The following ATP9B variants were observed in gnomAD, a reference collection of about 807,000 sequenced individuals.
ATP9B encodes ATPase phospholipid transporting 9B.
ATP9B carries 110 observed loss-of-function variants against 146.1 expected under a neutral mutation model. The observed-to-expected ratio is 0.75, with a 90% CI of 0.65 to 0.88. The LOEUF (loss-of-function observed/expected upper bound fraction) is 0.88, where lower values mean the gene tolerates loss of function less well. Among genes scored for constraint, ATP9B ranks in the 40% least tolerant of loss-of-function variants. The probability of loss-of-function intolerance (pLI) is 0.00; values close to 1 mark genes in which losing one functional copy is unlikely to be tolerated. For synonymous variants in ATP9B, 604 were observed against 569.7 expected, an observed-to-expected ratio of 1.06 and a Z score of -0.86; for missense variants, 1,499 against 1,496.4, an observed-to-expected ratio of 1.00 and a Z score of -0.03.
intron 7 of ATP9B, among the ~76,000 whole-genome samples, chr18:79,163,902 A>ACACG (rs1196921666): frequency 6.6e-6 from 1 of 151,446 alleles, no homozygotes; most frequent in Non-Finnish European, 1.5e-5. Flanking sequence ...ACACACACAC[A>ACACG]CACAGGGGGA....
chr18:79,157,687 C>CT (rs2094815915), intron 7 of ATP9B, among the ~76,000 whole-genome samples: 1 of 152,156 alleles, frequency 6.6e-6, no homozygotes, highest in Admixed American at 6.5e-5. Context: ...TTCAGATTAT[C>CT]TATTTCTTTC....
intron 26 of ATP9B, chr18:79,363,865 A>G (rs1218256168): frequency 1.3e-5 from 2 of 151,880 alleles, no homozygotes; most frequent in Non-Finnish European, 2.9e-5. Flanking sequence ...TTGAGCCTCA[A>G]TTAGATGTTC....
chr18:79,198,029 T>C (rs1223222778), intron 9 of ATP9B, among the ~76,000 whole-genome samples: 1 of 152,212 alleles, frequency 6.6e-6, no homozygotes, highest in Non-Finnish European at 1.5e-5. Flanking sequence ...TACACATTTT[T>C]CAAAATCTCA....
intron 23 of ATP9B, 119 bp from the exon 24 acceptor site, chr18:79,347,651 A>G (rs1004284173): frequency 2.9e-5 from 36 of 1,225,364 alleles, no homozygotes; most frequent in Admixed American, 1.9e-4. Context: ...AAGCTTTACA[A>G]GTTCTGCAGA....
chr18:79,214,236 T>C (rs1455432944), intron 11 of ATP9B, among the ~76,000 whole-genome samples, 198 bp downstream of exon 11: 1 of 152,216 alleles, frequency 6.6e-6, no homozygotes, highest in African/African-American at 2.4e-5. Flanking sequence ...TCCAAAAGTA[T>C]CATTGCTTGG....
intron 13 of ATP9B, among the ~76,000 whole-genome samples, chr18:79,282,357 A>C (rs2096386936): frequency 6.6e-6 from 1 of 152,158 alleles, no homozygotes; most frequent in African/African-American, 2.4e-5. Flanking sequence ...GCTACGGAGA[A>C]ATATTTTGTG....
rs528818218 is a variant in ATP9B at position 79,289,613 on chromosome 18, G to C, written c.1411+12417G>C. Among the ~76,000 whole-genome samples, 5 of 152,136 alleles carry C rather than the reference G, an allele frequency of 3.3e-5. No individual in the cohort carries two copies. In the East Asian group the frequency reaches 9.6e-4, roughly 29 times the overall value. Reference sequence around the variant, plus strand: ...ATCGTCTGAAGCCTTCTCTCAACTCGTCAAAGTCATTCTCCGTCCAGCTTT... The same window carrying C: ...ATCGTCTGAAGCCTTCTCTCAACTCCTCAAAGTCATTCTCCGTCCAGCTTT... On this transcript the variant is annotated intron_variant, in intron 13 of 29. Coordinates refer to ENST00000426216, the MANE Select transcript of ATP9B (RefSeq NM_198531.5).
At chr18:79,149,476 G>GA (rs143130419) in intron 6 of ATP9B, among the ~76,000 whole-genome samples, 178 of 148,212 alleles carry the variant, frequency 1.2e-3, no homozygotes, top group African/African-American at 3.7e-3. Context: ...AAAACTTTTA[G>GA]AAAAAAAAAA....
In ATP9B at chr18:79,176,831, C is replaced by G; in HGVS notation, c.797C>G (p.Thr266Ser). The change falls in exon 8 of 30, where the codon ACT (threonine) becomes AGT (serine). Residue 266 changes from threonine (T) to serine (S), a missense_variant. Coordinates refer to ENST00000426216, the MANE Select transcript of ATP9B (RefSeq NM_198531.5). ...SEKAGSCFIR[T>S]DQLDGETDWK... ...TTCCAAGGTTCGTGTTTTATTCGAA[C>G]TGATCAACTAGATGGTGAAACTGAC... 1 of 1,614,026 alleles carries G rather than the reference C, an allele frequency of 6.2e-7. No individual in the cohort carries two copies.
intron 5 of ATP9B, among the ~76,000 whole-genome samples, chr18:79,139,236 A>G (rs1247880860): frequency 7.9e-5 from 12 of 152,188 alleles, no homozygotes; most frequent in Admixed American, 5.9e-4. Flanking sequence ...CTTAGGTTGT[A>G]AGTTCCTTTG....
At chr18:79,096,124 A>G (rs2074757749) in intron 1 of ATP9B, among the ~76,000 whole-genome samples, 1 of 152,154 alleles carries the variant, frequency 6.6e-6, no homozygotes, top group African/African-American at 2.4e-5. Context: ...ATTCTTTGCT[A>G]TAGTCATGTT....
At chr18:79,174,315 G>A (rs568064981) in intron 7 of ATP9B, 15 of 183,292 alleles carry the variant, frequency 8.2e-5, no homozygotes, top group African/African-American at 1.2e-4. Flanking sequence ...TGCTTCATCC[G>A]TATGTCTCAT....
intron 26 of ATP9B, chr18:79,360,159 A>G (rs566734278): frequency 6.6e-6 from 1 of 152,646 alleles, no homozygotes; most frequent in South Asian, 2.1e-4. Flanking sequence ...ACGTGTAAGG[A>G]TACGGGGTAG....
At chr18:79,158,085 G>C (rs2094822391) in intron 7 of ATP9B, among the ~76,000 whole-genome samples, 1 of 151,826 alleles carries the variant, frequency 6.6e-6, no homozygotes. Context: ...TGTAGTTTAA[G>C]GTGGAAAGTT....
At position 79,131,310 on chromosome 18, in the gene ATP9B, C is replaced by T. The variant is rs116546286; in HGVS notation, c.667+4935C>T. On this transcript the variant is annotated intron_variant, in intron 5 of 29. Coordinates refer to ENST00000426216, the MANE Select transcript of ATP9B (RefSeq NM_198531.5). ...CAGTATCCAGGATACATAAAGAACT[C>T]TTACAATTTCAACATTAGAAAGATA... is the stretch of plus-strand genomic sequence containing the variant. 4.8e-3 allele frequency among the ~76,000 whole-genome samples: 738 copies of T among 152,278 alleles called. 5 individuals carry two copies. Among genetic ancestry groups the T allele is most frequent in the South Asian group, 0.025 (119 of 4,828 alleles).
intron 15 of ATP9B, among the ~76,000 whole-genome samples, chr18:79,327,516 T>A (rs1280738611): frequency 2.6e-5 from 3 of 116,598 alleles, no homozygotes; most frequent in Admixed American, 8.7e-5. Flanking sequence ...CTCTCCATGG[T>A]TAGCGTGCTC....
At chr18:79,182,324 A>G (rs2095261095) in intron 8 of ATP9B, among the ~76,000 whole-genome samples, 1 of 152,184 alleles carries the variant, frequency 6.6e-6, no homozygotes, top group African/African-American at 2.4e-5. Context: ...CTTACCCTGT[A>G]TGCTGTGTGT....
At chr18:79,305,528 A>G (rs1432968709) in intron 14 of ATP9B, among the ~76,000 whole-genome samples, 3 of 152,234 alleles carry the variant, frequency 2.0e-5, no homozygotes, top group South Asian at 2.1e-4. Flanking sequence ...AAATCTTAAA[A>G]GGAGAAGGAA....
intron 2 of ATP9B, among the ~76,000 whole-genome samples, chr18:79,098,040 G>A (rs2074948606): frequency 1.3e-5 from 2 of 151,960 alleles, no homozygotes; most frequent in South Asian, 4.2e-4. Context: ...CCAAAACAGA[G>A]ATATAGATCA....
Sources: gnomAD v4.1 joint callset for allele counts (sites outside exome capture counted in the v4.1 genomes callset) on GRCh38, gnomAD v4.1.1 for gene constraint, MANE v1.5 for transcripts, NCBI Gene and HGNC (gene_info 2026-07-23, HGNC 2026-07-21) for gene names.